BIRC6: variants seen among roughly 807,000 people sequenced by gnomAD.
BIRC6 encodes dual E2 ubiquitin-conjugating enzyme/E3 ubiquitin-protein ligase BIRC6.
Under a neutral mutation model 503.3 loss-of-function variants are expected in BIRC6, and 98 were observed. The observed-to-expected ratio is 0.19, with a 90% CI of 0.17 to 0.23. BIRC6 has a LOEUF of 0.23. Ranked by LOEUF, BIRC6 falls within the 10% of genes least tolerant of loss-of-function variation. BIRC6 has a pLI of 1.00. For synonymous variants in BIRC6, 2,240 were observed against 2,078.7 expected, an observed-to-expected ratio of 1.08 and a Z score of -2.11; for missense variants, 5,360 against 5,806.0, an observed-to-expected ratio of 0.92 and a Z score of 2.50.
intron 72 of BIRC6, 133 bp downstream of exon 72, chr2:32,607,776 G>A: frequency 5.0e-6 from 3 of 603,634 alleles, no homozygotes; most frequent in Non-Finnish European, 7.8e-6. Flanking sequence ...TCAGGAGTCT[G>A]AGACCAGCCT....
At chr2:32,482,352 G>T in intron 38 of BIRC6, 77 bp from the exon 39 acceptor site, 1 of 1,405,520 alleles carries the variant, frequency 7.1e-7, no homozygotes, top group East Asian at 2.3e-5. Context: ...GTTCTGTTTG[G>T]GTTTAGATAA....
intron 1 of BIRC6, among the ~76,000 whole-genome samples, chr2:32,369,992 ATGTATG>A (rs1358406654): frequency 1.7e-5 from 2 of 117,128 alleles, no homozygotes; most frequent in South Asian, 3.0e-4. Context: ...ATATGTATGT[ATGTATG>A]TGTGTGTATA....
At chr2:32,453,657 C>T (rs1257306276) in intron 22 of BIRC6, 151 bp from the exon 23 acceptor site, 2 of 714,228 alleles carry the variant, frequency 2.8e-6, no homozygotes, top group African/African-American at 1.8e-5. Context: ...TGTCAGTTTT[C>T]TTAATACCAT....
intron 10 of BIRC6, among the ~76,000 whole-genome samples, chr2:32,427,704 C>G (rs898363146): frequency 1.3e-5 from 2 of 151,830 alleles, no homozygotes; most frequent in Non-Finnish European, 2.9e-5. Context: ...TCCTTGAATT[C>G]TTTGCTAAAT....
intron 17 of BIRC6, 102 bp downstream of exon 17, chr2:32,441,564 T>C: frequency 8.9e-7 from 1 of 1,124,072 alleles, no homozygotes; most frequent in Non-Finnish European, 1.2e-6. Context: ...ACCTGAAAAT[T>C]TTTTTTGTCC....
chr2:32,598,365 TA>T (rs571011873), intron 69 of BIRC6, among the ~76,000 whole-genome samples: 199 of 152,278 alleles, frequency 1.3e-3, no homozygotes, highest in African/African-American at 4.7e-3. Context: ...GCTGATCAGT[TA>T]AAAAATGTTA....
intron 65 of BIRC6, chr2:32,557,171 A>G (rs1299638871): frequency 6.6e-6 from 1 of 152,180 alleles, no homozygotes. Flanking sequence ...TGGAGTTACT[A>G]AAATATAATT....
rs2058291078 is a variant in BIRC6 at position 32,549,454 on chromosome 2, A to G, written c.13117A>G (p.Met4373Val). 1.4e-6 allele frequency: 2 copies of G among 1,454,696 alleles called. No individual in the cohort carries two copies. Among genetic ancestry groups the G allele is most frequent in the Non-Finnish European group, 1.8e-6 (2 of 1,081,884 alleles). 90.1% of individuals were successfully genotyped at this position (1,454,696 alleles called of 1,614,324 possible). ...CAGTCAGTCCTGCCTCATCCCAGCC[A>G]TGTCATCTTATCTACGAAATGATTC... is the stretch of plus-strand genomic sequence containing the variant. ...LLSQSCLIPA[M>V]SSYLRNDSVL... The change falls in exon 65 of 74, where the codon ATG (methionine) becomes GTG (valine). Residue 4373 changes from methionine to valine, a missense_variant. Met to Val is a conservative substitution (Grantham distance 21). Transcript: ENST00000421745.
chr2:32,363,146 C>A (rs529094469), intron 1 of BIRC6, among the ~76,000 whole-genome samples: 1 of 151,982 alleles, frequency 6.6e-6, no homozygotes, highest in Non-Finnish European at 1.5e-5. Flanking sequence ...GCCTAGGCAA[C>A]ATAGTGAGAC....
intron 65 of BIRC6, among the ~76,000 whole-genome samples, chr2:32,566,796 C>T (rs1225794562): frequency 6.6e-6 from 1 of 151,920 alleles, no homozygotes; most frequent in Admixed American, 6.6e-5. Flanking sequence ...GTTGTATTTC[C>T]TATTGTGCAG....
chr2:32,379,480 C>T (rs1279282876), intron 2 of BIRC6: 6 of 152,176 alleles, frequency 3.9e-5, no homozygotes, highest in Non-Finnish European at 8.8e-5. Context: ...CTATCCCTTC[C>T]TCCACCTAGT....
rs1442518346 is a variant in BIRC6 at position 32,442,444 on chromosome 2, C to G, written c.4227C>G (p.Ala1409=). Residue 1409 remains alanine (A), a synonymous_variant, in exon 19 of 74, where the codon GCC becomes GCG. Coordinates refer to ENST00000421745, the MANE Select transcript of BIRC6 (RefSeq NM_016252.4). ...SIAHKCARFL[A]LCISNGKCDP... Reference sequence around the variant, plus strand: ...CCCATAAGTGTGCCCGATTTCTAGCCTTGTGCATTAGGTTGGTATGTTTTT... The same window carrying G: ...CCCATAAGTGTGCCCGATTTCTAGCGTTGTGCATTAGGTTGGTATGTTTTT... 6.2e-7 allele frequency: 1 copy of G among 1,604,932 alleles called. No individual in the cohort carries two copies. Among genetic ancestry groups the G allele is most frequent in the Non-Finnish European group, 8.5e-7 (1 of 1,175,630 alleles).
At position 32,503,094 on chromosome 2, in the gene BIRC6, G is replaced by T; in HGVS notation, c.9357G>T (p.Val3119=). 1 of 1,610,686 alleles carries T rather than the reference G, an allele frequency of 6.2e-7. No homozygotes were observed. The highest frequency in any genetic ancestry group is 8.5e-7 in the Non-Finnish European group (1 of 1,178,262). The part of the protein sequence containing the change: ...NNMVTSTRAI[V]NTARSMVSTI... ...TGGTTACTAGTACAAGGGCTATTGT[G>T]AACACTGCAAGAAGTATGGTATCAA... The change falls in exon 49 of 74, where the codon GTG becomes GTT. Residue 3119 remains valine, a synonymous_variant. Coordinates refer to ENST00000421745, the MANE Select transcript of BIRC6 (RefSeq NM_016252.4).
At chr2:32,585,616 G>A (rs1396206503) in intron 66 of BIRC6, among the ~76,000 whole-genome samples, 1 of 152,136 alleles carries the variant, frequency 6.6e-6, no homozygotes, top group Non-Finnish European at 1.5e-5. Flanking sequence ...CTGACCTCAG[G>A]TGATCCACCC....
chr2:32,494,792 C>G (rs1366353916), intron 45 of BIRC6, among the ~76,000 whole-genome samples: 2 of 152,158 alleles, frequency 1.3e-5, no homozygotes, highest in East Asian at 1.9e-4. Context: ...CACCTGTAAT[C>G]CCAGCTACTG....
At chr2:32,505,279 A>T in intron 50 of BIRC6, 74 bp downstream of exon 50, 1 of 1,298,282 alleles carries the variant, frequency 7.7e-7, no homozygotes, top group South Asian at 1.3e-5. Context: ...AAAAATGTTT[A>T]GTAAGCGGAA....
rs185654071 is a variant in BIRC6, at chr2:32,496,455, C to T, written c.8468+2788C>T. Among the ~76,000 whole-genome samples, 6 of 152,248 alleles carry T rather than the reference C, an allele frequency of 3.9e-5. No individual in the cohort carries two copies. The East Asian group carries it at 9.7e-4, about 25-fold the overall frequency. ...GCCAGGCTGGTCTCAAACTCCTGGC[C>T]TCAAGAGATCCACCTGCCTCCATTT... On this transcript the variant is annotated intron_variant, in intron 45 of 73. Transcript: ENST00000421745.
intron 65 of BIRC6, among the ~76,000 whole-genome samples, chr2:32,568,294 C>T (rs2059672614): frequency 6.7e-6 from 1 of 150,258 alleles, no homozygotes; most frequent in Admixed American, 6.6e-5. Flanking sequence ...AGTTCGAGAC[C>T]AGCCTGGGCA....
At chr2:32,490,679 T>C (rs994589587) in intron 43 of BIRC6, among the ~76,000 whole-genome samples, 1 of 152,220 alleles carries the variant, frequency 6.6e-6, no homozygotes, top group African/African-American at 2.4e-5. Context: ...TAAAAACTGA[T>C]TAAAAGAAAA....
Sources: allele counts gnomAD v4.1 joint callset (sites outside exome capture counted in the v4.1 genomes callset), GRCh38; gene constraint gnomAD v4.1.1; transcripts MANE v1.5; gene names NCBI Gene and HGNC (gene_info 2026-07-23, HGNC 2026-07-21).